Variants in VEGFA observed in about 807,000 individuals in gnomAD.
VEGFA encodes vascular endothelial growth factor A.
A neutral mutation model predicts 49.7 loss-of-function variants in VEGFA; 20 were observed. That is an observed-to-expected ratio of 0.40 (90% CI 0.28 to 0.58). VEGFA has a LOEUF of 0.58. Ranked by LOEUF, VEGFA falls within the 20% of genes least tolerant of loss-of-function variation. VEGFA has a pLI of 0.40. For missense variants in VEGFA, 505 were observed against 553.5 expected (o/e 0.91, Z 0.88); for synonymous variants, 219 against 223.4 (o/e 0.98, Z 0.18).
Position 43,785,610 on chromosome 6 carries a change from T to C in VEGFA, c.*1048T>C. ...GGGGTGCAGCCTAAAAGGACCTATG[T>C]CCTCACACCATTGAAACCACTAGTT... On this transcript the variant is annotated 3_prime_UTR_variant, in exon 8 of 8. Coordinates refer to ENST00000672860, the MANE Select transcript of VEGFA (RefSeq NM_003376.6). 4.9e-6 allele frequency: 1 copy of C among 204,174 alleles called. No individual in the cohort carries two copies. Among genetic ancestry groups the C allele is most frequent in the Non-Finnish European group, 1.0e-5 (1 of 99,538 alleles). The allele number at this position is 204,174 out of a possible 1,614,324, so 12.6% of individuals were successfully genotyped here.
chr6:43,786,416 G>A lies in VEGFA; in HGVS notation c.*1854G>A, dbSNP rs948564402. The stretch of plus-strand genomic sequence containing the variant: ...TAGTACATATTTATTTTTAAACAAC[G>A]ACAAAGAAATACAGATATATCTTAA... On this transcript the variant is annotated 3_prime_UTR_variant, in exon 8 of 8. Coordinates refer to ENST00000672860, the MANE Select transcript of VEGFA (RefSeq NM_003376.6). The A allele has an allele frequency of 8.8e-5, 15 of 170,834 alleles. No homozygotes were observed. Among genetic ancestry groups the A allele is most frequent in the African/African-American group, 3.6e-4 (15 of 41,720 alleles). The allele number at this position is 170,834 out of a possible 1,614,324, so 10.6% of individuals were successfully genotyped here. A position where few individuals can be genotyped will look rare whatever the true frequency, so the allele number is the denominator to read the frequency against.
At chr6:43,771,918 C>T (rs1419605829) in intron 1 of VEGFA, 6 of 678,888 alleles carry the variant, frequency 8.8e-6, no homozygotes, top group Non-Finnish European at 1.1e-5. Flanking sequence ...CGTCCCCGCT[C>T]GCGTCCCGCT....
rs751009429 is a variant in VEGFA at position 43,777,476 on chromosome 6, G to A, written c.666G>A (p.Lys222=). ...TCATCGCCTCTCATGCAGTGGTGAA[G>A]TTCATGGATGTCTATCAGCGCAGCT... The change falls in exon 3 of 8, where the codon AAG becomes AAA. Residue 222 remains lysine, a synonymous_variant. Transcript: ENST00000672860. The surrounding 1 kb of genome is among the most constrained non-coding windows in gnomAD (Gnocchi z 4.3). The A allele has an allele frequency of 2.5e-6, 4 of 1,613,928 alleles. No homozygotes were observed. In the African/African-American group the frequency reaches 5.3e-5, roughly 22 times the overall value.
chr6:43,778,852 C>T, intron 4 of VEGFA, 37 bp from the exon 5 acceptor site: 1 of 1,613,078 alleles, frequency 6.2e-7, no homozygotes, highest in South Asian at 1.1e-5. Context: ...TTAACCCTTC[C>T]CTGTTTTGCT....
At position 43,777,967 on chromosome 6, in the gene VEGFA, GC is replaced by G. The variant is rs998207080; in HGVS notation, c.855+309del. The G allele has an allele frequency of 6.1e-6, 3 of 489,896 alleles. No individual in the cohort carries two copies. The highest frequency in any genetic ancestry group is 1.9e-5 in the African/African-American group (1 of 51,762). The allele number at this position is 489,896 out of a possible 1,614,324, so 30.3% of individuals were successfully genotyped here. A position where few individuals can be genotyped will look rare whatever the true frequency, so the allele number is the denominator to read the frequency against. On this transcript the variant is annotated intron_variant, in intron 3 of 7. Coordinates refer to ENST00000672860, the MANE Select transcript of VEGFA (RefSeq NM_003376.6). The surrounding 1 kb of genome is among the most constrained non-coding windows in gnomAD (Gnocchi z 4.3). ...CCCTCTCTTGGAGAGAGTCCTGAGT[GC>G]CCCCCCTTCTTGGGGGCTTTGTTTG...
At chr6:43,774,636 T>A in intron 2 of VEGFA, 1 of 585,762 alleles carries the variant, frequency 1.7e-6, no homozygotes, top group East Asian at 2.9e-5. Flanking sequence ...AGTAAAATTT[T>A]ATTTGGAGAA....
Position 43,778,264 on chromosome 6 carries a change from G to C in VEGFA, c.856-196G>C, listed in dbSNP as rs1582502575. ...GCCTCAAGTGGAACAAGGGCTCCTT[G>C]AGGCCAGCAGGGTTGGGGGAGTTGG... On this transcript the variant is annotated intron_variant, in intron 3 of 7. Coordinates refer to ENST00000672860, the MANE Select transcript of VEGFA (RefSeq NM_003376.6). 6.1e-6 allele frequency: 4 copies of C among 650,666 alleles called. No homozygotes were observed. The East Asian group carries it at 1.1e-4, about 18-fold the overall frequency. The allele number at this position is 650,666 out of a possible 1,614,324, so 40.3% of individuals were successfully genotyped here. A position where few individuals can be genotyped will look rare whatever the true frequency, so the allele number is the denominator to read the frequency against.
At chr6:43,771,339 G>A (rs2127997608) in intron 1 of VEGFA, 27 bp downstream of exon 1, 3 of 1,586,742 alleles carry the variant, frequency 1.9e-6, no homozygotes, top group East Asian at 2.4e-5. Flanking sequence ...TGCTGGCGCC[G>A]CGGGCCGCTG....
In VEGFA at chr6:43,777,729, G is replaced by A. The variant is rs777049904; in HGVS notation, c.855+64G>A. On this transcript the variant is annotated intron_variant, in intron 3 of 7. Coordinates refer to ENST00000672860, the MANE Select transcript of VEGFA (RefSeq NM_003376.6). The surrounding 1 kb of genome is among the most constrained non-coding windows in gnomAD (Gnocchi z 4.3). ...GAGGGGGGTAACACTTTGGGAACAG[G>A]TGGTCCCAGGTCGTTTCCTGGCTAG... 1 of 1,486,508 alleles carries A rather than the reference G, an allele frequency of 6.7e-7. No individual in the cohort carries two copies. The highest frequency in any genetic ancestry group is 9.1e-7 in the Non-Finnish European group (1 of 1,099,052). 92.1% of individuals were successfully genotyped at this position (1,486,508 alleles called of 1,614,324 possible). A position where few individuals can be genotyped will look rare whatever the true frequency, so the allele number is the denominator to read the frequency against.
rs1765781037 is a variant in VEGFA, at chr6:43,777,397, G to A, written c.659-72G>A. 2 of 1,563,166 alleles carry A rather than the reference G, an allele frequency of 1.3e-6. No individual in the cohort carries two copies. The highest frequency in any genetic ancestry group is 8.8e-7 in the Non-Finnish European group (1 of 1,139,074). On this transcript the variant is annotated intron_variant, in intron 2 of 7. Coordinates refer to ENST00000672860, the MANE Select transcript of VEGFA (RefSeq NM_003376.6). The surrounding 1 kb of genome is among the most constrained non-coding windows in gnomAD (Gnocchi z 4.3). The stretch of plus-strand genomic sequence containing the variant: ...AAGCTCCAAAGAGTGGCATTACAGA[G>A]CTGGGTGGAGAGAGGGGCTAGCCAT...
At chr6:43,779,145 A>G (rs184491029) in intron 5 of VEGFA, 366 of 620,614 alleles carry the variant, frequency 5.9e-4, no homozygotes, top group African/African-American at 5.8e-3. Context: ...TTTGGAAGGG[A>G]CAATGCCTTC....
At position 43,770,635 on chromosome 6, in the gene VEGFA, C is replaced by G; in HGVS notation, c.-72C>G. 1 of 1,477,762 alleles carries G rather than the reference C, an allele frequency of 6.8e-7. No individual in the cohort carries two copies. The highest frequency in any genetic ancestry group is 1.3e-5 in the South Asian group (1 of 76,000). The allele number at this position is 1,477,762 out of a possible 1,614,324, so 91.5% of individuals were successfully genotyped here. A position where few individuals can be genotyped will look rare whatever the true frequency, so the allele number is the denominator to read the frequency against. Reference sequence around the variant, plus strand: ...AAGCGACAGGGGCAAAGTGAGTGACCTGCTTTTGGGGGTGACCGCCGGAGC... The same window carrying G: ...AAGCGACAGGGGCAAAGTGAGTGACGTGCTTTTGGGGGTGACCGCCGGAGC... On this transcript the variant is annotated 5_prime_UTR_variant, in exon 1 of 8. Coordinates refer to ENST00000672860, the MANE Select transcript of VEGFA (RefSeq NM_003376.6).
intron 6 of VEGFA, 100 bp from the exon 7 acceptor site, chr6:43,781,856 G>T (rs1041934631): frequency 1.5e-5 from 22 of 1,497,582 alleles, no homozygotes; most frequent in Non-Finnish European, 1.9e-5. Context: ...CTGGGTGGGG[G>T]TGCAGCTGCG....
chr6:43,779,435 T>C, intron 5 of VEGFA: 1 of 339,560 alleles, frequency 2.9e-6, no homozygotes, highest in Non-Finnish European at 5.7e-6. Flanking sequence ...GGAGAAAAAG[T>C]TGAATGTTGG....
rs1415678839 is a variant in VEGFA at position 43,771,039 on chromosome 6, C to G, written c.333C>G (p.Leu111=). 3.9e-6 allele frequency: 6 copies of G among 1,522,848 alleles called. No individual in the cohort carries two copies. The highest frequency in any genetic ancestry group is 5.3e-6 in the Non-Finnish European group (6 of 1,135,106). The allele number at this position is 1,522,848 out of a possible 1,614,324, so 94.3% of individuals were successfully genotyped here. Reference sequence around the variant, plus strand: ...AGGAGAGGGGGCCGCAGTGGCGACTCGGCGCTCGGAAGCCGGGCTCATGGA... The same window carrying G: ...AGGAGAGGGGGCCGCAGTGGCGACTGGGCGCTCGGAAGCCGGGCTCATGGA... The change falls in exon 1 of 8, where the codon CTC becomes CTG. Residue 111 remains leucine, a synonymous_variant. Transcript: ENST00000672860.
rs2128035625 is a variant in VEGFA at position 43,778,913 on chromosome 6, A to G, written c.957A>G (p.Gln319=). The G allele has an allele frequency of 6.2e-7, 1 of 1,614,218 alleles. No individual in the cohort carries two copies. Among genetic ancestry groups the G allele is most frequent in the Non-Finnish European group, 8.5e-7 (1 of 1,180,040 alleles). The stretch of plus-strand genomic sequence containing the variant: ...GACCAAAGAAAGATAGAGCAAGACA[A>G]GAAAAGTAAGTGGCCCTGACTTTAG... The change falls in exon 5 of 8, where the codon CAA becomes CAG. Residue 319 remains glutamine (Q), a synonymous_variant. Coordinates refer to ENST00000672860, the MANE Select transcript of VEGFA (RefSeq NM_003376.6).
chr6:43,782,161 T>C, intron 7 of VEGFA, 74 bp downstream of exon 7: 1 of 1,587,802 alleles, frequency 6.3e-7, no homozygotes, highest in Non-Finnish European at 8.6e-7. Flanking sequence ...AGAAAGAGAG[T>C]GAGCGAGCGA....
chr6:43,771,988 C>T lies in VEGFA; in HGVS notation c.606+676C>T, dbSNP rs1026258194. On this transcript the variant is annotated intron_variant, in intron 1 of 7. Transcript: ENST00000672860. ...GCGGCGCGGAGCCGATTACATCAGCCCGGGCCTGGCCGGCCGCGTGTTCCC... is the reference window on the plus strand; with the variant it reads ...GCGGCGCGGAGCCGATTACATCAGCTCGGGCCTGGCCGGCCGCGTGTTCCC... The T allele has an allele frequency of 3.7e-5, 36 of 984,916 alleles. No homozygotes were observed. In the African/African-American group the frequency reaches 5.4e-4, roughly 15 times the overall value. The allele number at this position is 984,916 out of a possible 1,614,324, so 61.0% of individuals were successfully genotyped here.
At position 43,777,207 on chromosome 6, in the gene VEGFA, G is replaced by A. The variant is rs533303408; in HGVS notation, c.659-262G>A. The A allele has an allele frequency of 4.6e-4, 249 of 544,846 alleles. No homozygotes were observed. Among genetic ancestry groups the A allele is most frequent in the Admixed American group, 1.8e-3 (68 of 38,418 alleles). 33.8% of individuals were successfully genotyped at this position (544,846 alleles called of 1,614,324 possible). On this transcript the variant is annotated intron_variant, in intron 2 of 7. Transcript: ENST00000672860. The surrounding 1 kb of genome is among the most constrained non-coding windows in gnomAD (Gnocchi z 4.3). ...AGTTCAGCTGTCACAGTGAGGTGGCGGGATCAGATGTGGCAGGCCATGTCC... is the reference window on the plus strand; with the variant it reads ...AGTTCAGCTGTCACAGTGAGGTGGCAGGATCAGATGTGGCAGGCCATGTCC...
Sources: allele counts gnomAD v4.1 joint callset, GRCh38; gene constraint gnomAD v4.1.1; non-coding constraint Gnocchi (gnomAD v3.1); transcripts MANE v1.5; gene names NCBI Gene and HGNC (gene_info 2026-07-23, HGNC 2026-07-21).